ADGRF5: variants seen among roughly 807,000 people sequenced by gnomAD.
ADGRF5 encodes the protein G-protein coupled receptor 116.
A neutral mutation model predicts 132.3 loss-of-function variants in ADGRF5; 75 were observed. That is an observed-to-expected ratio of 0.57 (90% CI 0.47 to 0.69). The LOEUF (loss-of-function observed/expected upper bound fraction) is 0.69. Ranked by LOEUF, ADGRF5 falls within the 30% of genes least tolerant of loss-of-function variation. The pLI, the probability that ADGRF5 is intolerant of heterozygous loss-of-function variation, is 0.00. For missense variants in ADGRF5, 1,516 were observed against 1,630.6 expected (o/e 0.93, Z 1.21); for synonymous variants, 629 against 597.6 (o/e 1.05, Z -0.77).
chr6:46,929,107 G>A (rs1302877534), intron 1 of ADGRF5, among the ~76,000 whole-genome samples: 6 of 152,068 alleles, frequency 3.9e-5, no homozygotes, highest in African/African-American at 1.5e-4. Context: ...GTCCAACAAT[G>A]ATAGACTGGA....
chr6:46,878,356 CT>C lies in ADGRF5; in HGVS notation c.1085del (p.Lys362ArgfsTer4), dbSNP rs1265873486. The stretch of plus-strand genomic sequence containing the variant: ...GGATGGGCATAACATCTATTTTCTT[CT>C]TGCACTCATATTCAAAAATGTCTAA... ...LILDIFEYEC[K>X]KKIDVMPIQI... On this transcript the variant is annotated frameshift_variant, in exon 10 of 21. Transcript: ENST00000283296. LOFTEE classifies it high-confidence loss of function. 6.2e-7 allele frequency: 1 copy of C among 1,612,886 alleles called. No individual in the cohort carries two copies. Among genetic ancestry groups the C allele is most frequent in the Admixed American group, 1.7e-5 (1 of 60,004 alleles).
chr6:46,906,230 T>G (rs546415705), intron 2 of ADGRF5, among the ~76,000 whole-genome samples: 121 of 152,346 alleles, frequency 7.9e-4, no homozygotes, highest in African/African-American at 2.8e-3. Flanking sequence ...TTAATGTCTT[T>G]TGGAATGTGT....
chr6:46,881,633 C>A (rs998150042), intron 7 of ADGRF5, 36 bp from the exon 8 acceptor site: 2 of 1,599,864 alleles, frequency 1.3e-6, no homozygotes, highest in African/African-American at 2.7e-5. Flanking sequence ...AAAACAATAA[C>A]TGACCTGGAA....
intron 8 of ADGRF5, among the ~76,000 whole-genome samples, chr6:46,880,280 C>G (rs1772305377): frequency 6.6e-6 from 1 of 151,934 alleles, no homozygotes; most frequent in African/African-American, 2.4e-5. Flanking sequence ...CCCTATGGCT[C>G]CTTAACGGCA....
Position 46,949,350 on chromosome 6 carries a change from C to G in ADGRF5, c.-25+5384G>C, listed in dbSNP as rs1244468644. On this transcript the variant is annotated intron_variant, in intron 1 of 20. Coordinates refer to the ADGRF5 transcript ENST00000265417. ...GAGTCCACAAAGGATAAAGTATTAA[C>G]AGAAAGCTCTGGGGCTGCCTGGAGT... Among the ~76,000 whole-genome samples, 5 of 152,192 alleles carry G rather than the reference C, an allele frequency of 3.3e-5. No individual in the cohort carries two copies. In the South Asian group the frequency reaches 8.3e-4, roughly 25 times the overall value.
rs185180507 is a variant in ADGRF5 at position 46,859,562 on chromosome 6, C to A, written c.2380-39G>T. 2.7e-5 allele frequency: 34 copies of A among 1,255,064 alleles called. No homozygotes were observed. The Middle Eastern group carries it at 5.8e-4, about 21-fold the overall frequency. The allele number at this position is 1,255,064 out of a possible 1,614,324, so 77.7% of individuals were successfully genotyped here. Reference sequence around the variant, plus strand: ...GGTATGGGGTCAAACTAACCAAATTCTTTCAATCATAAAAAAGAAAAAAAC... The same window carrying A: ...GGTATGGGGTCAAACTAACCAAATTATTTCAATCATAAAAAAGAAAAAAAC... On this transcript the variant is annotated intron_variant, in intron 16 of 20. Transcript: ENST00000283296.
chr6:46,913,689 G>A (rs1194831082), intron 1 of ADGRF5, among the ~76,000 whole-genome samples: 1 of 152,102 alleles, frequency 6.6e-6, no homozygotes. Flanking sequence ...GGGGAGTGAG[G>A]ACTTGGAGAT....
rs1268795796 is a variant in ADGRF5 at position 46,953,663 on chromosome 6, A to C, written c.-25+1071T>G. On this transcript the variant is annotated intron_variant, in intron 1 of 20. Transcript: ENST00000265417. ...TATAGATATATGTGTATATATATAT[A>C]TATATATATATATATATATATATAT... 5.5e-5 allele frequency among the ~76,000 whole-genome samples: 7 copies of C among 127,722 alleles called. 1 individual carries two copies. In the South Asian group the frequency reaches 9.7e-4, roughly 18 times the overall value. The allele number at this position is 127,722 out of a possible 152,430, so 83.8% of individuals were successfully genotyped here.
chr6:46,939,687 G>A (rs577062639), intron 1 of ADGRF5, among the ~76,000 whole-genome samples: 3 of 152,280 alleles, frequency 2.0e-5, no homozygotes, highest in African/African-American at 4.8e-5. Context: ...ATGGAATGGG[G>A]AGCTTCAACT....
Position 46,906,693 on chromosome 6 carries a change from T to C in ADGRF5, c.70A>G (p.Asn24Asp), listed in dbSNP as rs1218678260. 7 of 1,595,252 alleles carry C rather than the reference T, an allele frequency of 4.4e-6. No individual in the cohort carries two copies. The South Asian group carries it at 6.6e-5, about 15-fold the overall frequency. The change falls in exon 2 of 21, where the codon AAC becomes GAC. Residue 24 changes from asparagine (N) to aspartate (D), a missense_variant. Transcript: ENST00000283296. ...IVIYSSKAAL[N>D]WNYESTIHPL... Reference sequence around the variant, plus strand: ...TGAATAGTAGACTCGTAATTCCAGTTCAGTGCAGCTTTGGAAGAATAAATC... The same window carrying C: ...TGAATAGTAGACTCGTAATTCCAGTCCAGTGCAGCTTTGGAAGAATAAATC...
intron 14 of ADGRF5, among the ~76,000 whole-genome samples, chr6:46,863,798 C>T (rs746359672): frequency 6.6e-6 from 1 of 152,006 alleles, no homozygotes. Context: ...GAAAAAGAAG[C>T]GAAACCATAT....
chr6:46,923,882 T>C (rs1170772280), upstream of ADGRF5, among the ~76,000 whole-genome samples: 1 of 152,228 alleles, frequency 6.6e-6, no homozygotes, highest in Admixed American at 6.5e-5. Flanking sequence ...GAATTGACTG[T>C]CACAGCAGCC....
intron 1 of ADGRF5, among the ~76,000 whole-genome samples, chr6:46,936,703 C>T (rs926752784): frequency 6.6e-6 from 1 of 152,208 alleles, no homozygotes; most frequent in Non-Finnish European, 1.5e-5. Flanking sequence ...TGTTTACCCT[C>T]CAGGTCCATC....
chr6:46,910,456 T>C (rs1775829081), intron 1 of ADGRF5, among the ~76,000 whole-genome samples: 1 of 152,150 alleles, frequency 6.6e-6, no homozygotes, highest in Non-Finnish European at 1.5e-5. Context: ...GTGCTCACTA[T>C]ATTCTAGGTC....
intron 3 of ADGRF5, among the ~76,000 whole-genome samples, chr6:46,895,488 C>T (rs1042277688): frequency 1.3e-5 from 2 of 151,356 alleles, no homozygotes; most frequent in African/African-American, 4.9e-5. Context: ...AGACCCAGAT[C>T]TAAAAGGGCC....
At chr6:46,916,257 T>C (rs528846782) in intron 1 of ADGRF5, among the ~76,000 whole-genome samples, 1 of 152,330 alleles carries the variant, frequency 6.6e-6, no homozygotes, top group South Asian at 2.1e-4. Flanking sequence ...TGCTACATAT[T>C]AGGCATGGCT....
chr6:46,895,217 C>T (rs1028623213), intron 3 of ADGRF5, among the ~76,000 whole-genome samples: 4 of 151,968 alleles, frequency 2.6e-5, no homozygotes, highest in Non-Finnish European at 5.9e-5. Flanking sequence ...TCAGGCTTCA[C>T]CTTTGGTATA....
intron 4 of ADGRF5, among the ~76,000 whole-genome samples, chr6:46,884,997 T>C (rs898085670): frequency 2.0e-5 from 3 of 150,934 alleles, no homozygotes; most frequent in Admixed American, 6.6e-5. Flanking sequence ...AGCCCAGGAG[T>C]TTGAGACCAG....
intron 1 of ADGRF5, among the ~76,000 whole-genome samples, chr6:46,952,280 T>C (rs976100335): frequency 4.6e-5 from 7 of 152,188 alleles, no homozygotes; most frequent in Non-Finnish European, 8.8e-5. Context: ...TTTTCCTTAA[T>C]ACTTCCATGA....
Sources: gnomAD v4.1 joint callset for allele counts (sites outside exome capture counted in the v4.1 genomes callset) on GRCh38, gnomAD v4.1.1 for gene constraint, MANE v1.5 for transcripts, NCBI Gene and HGNC (gene_info 2026-07-23, HGNC 2026-07-21) for gene names.